The following CDH2 variants were observed in gnomAD, a reference collection of about 807,000 sequenced individuals.
CDH2 encodes the protein cadherin-2.
In CDH2, 17 loss-of-function variants were observed where a neutral mutation model predicts 92.0. That is an observed-to-expected ratio of 0.18 (90% CI 0.13 to 0.28). The LOEUF (loss-of-function observed/expected upper bound fraction) is 0.28. Among genes scored for constraint, CDH2 ranks in the 10% least tolerant of loss-of-function variants. The pLI, the probability that CDH2 is intolerant of heterozygous loss-of-function variation, is 1.00. For missense variants in CDH2, 862 were observed against 1,133.1 expected, an observed-to-expected ratio of 0.76 and a Z score of 3.44; for synonymous variants, 419 against 415.9, an observed-to-expected ratio of 1.01 and a Z score of -0.09.
intron 2 of CDH2, among the ~76,000 whole-genome samples, chr18:28,084,357 T>C (rs916235492): frequency 1.3e-5 from 2 of 152,130 alleles, no homozygotes; most frequent in Admixed American, 1.3e-4. Context: ...TATGAGAATA[T>C]ACAACAGTAC....
chr18:27,973,732 G>GT (rs529624901), intron 14 of CDH2, among the ~76,000 whole-genome samples: 4 of 152,134 alleles, frequency 2.6e-5, no homozygotes, highest in Non-Finnish European at 5.9e-5. Context: ...CACACTGAAG[G>GT]TTATTTCCCA....
At chr18:28,148,720 T>C (rs894606214) in intron 1 of CDH2, among the ~76,000 whole-genome samples, 2 of 152,056 alleles carry the variant, frequency 1.3e-5, no homozygotes, top group Non-Finnish European at 2.9e-5. Context: ...TCCACCCTAG[T>C]GAGAACCAGA....
intron 2 of CDH2, among the ~76,000 whole-genome samples, chr18:28,015,155 T>C (rs1360775787): frequency 6.6e-6 from 1 of 152,148 alleles, no homozygotes; most frequent in African/African-American, 2.4e-5. Flanking sequence ...CTGCTGTCAT[T>C]AGAATAAATT....
chr18:28,007,977 A>C (rs1427621123), intron 5 of CDH2, among the ~76,000 whole-genome samples: 1 of 152,126 alleles, frequency 6.6e-6, no homozygotes, highest in African/African-American at 2.4e-5. Flanking sequence ...CAAGTGAGCC[A>C]CCAGCCTTGG....
At chr18:28,070,177 A>C (rs2014588978) in intron 2 of CDH2, among the ~76,000 whole-genome samples, 1 of 152,168 alleles carries the variant, frequency 6.6e-6, no homozygotes, top group South Asian at 2.1e-4. Flanking sequence ...TAGTTATACC[A>C]CCCTGTCTAC....
chr18:27,987,493 G>A (rs1031542349), intron 11 of CDH2, among the ~76,000 whole-genome samples: 2 of 152,084 alleles, frequency 1.3e-5, no homozygotes, highest in African/African-American at 4.8e-5. Context: ...TCTTATTTTA[G>A]TAATGCAAAA....
chr18:28,149,241 G>A (rs1426600685), intron 1 of CDH2, among the ~76,000 whole-genome samples: 1 of 152,154 alleles, frequency 6.6e-6, no homozygotes, highest in African/African-American at 2.4e-5. Context: ...AATGTCCACT[G>A]AAACATGACT....
At chr18:28,160,327 G>T (rs569834977) in intron 1 of CDH2, among the ~76,000 whole-genome samples, 1 of 152,238 alleles carries the variant, frequency 6.6e-6, no homozygotes, top group Non-Finnish European at 1.5e-5. Flanking sequence ...ATGGTCTAAG[G>T]TAGCTCAGGA....
intron 2 of CDH2, among the ~76,000 whole-genome samples, chr18:28,067,028 T>C (rs977571420): frequency 2.6e-5 from 4 of 152,124 alleles, no homozygotes; most frequent in Non-Finnish European, 5.9e-5. Context: ...ACTCTATAAA[T>C]GTACTAACAA....
At position 28,014,136 on chromosome 18, in the gene CDH2, C is replaced by T. The variant is rs521058; in HGVS notation, c.173-227G>A. On this transcript the variant is annotated intron_variant, in intron 2 of 15. Transcript: ENST00000269141. Reference sequence around the variant, plus strand: ...TAGCATTTCCTTCTTCCAAAGCTTTCCCCTTCTTTTCATACTTCCTGGACA... The same window carrying T: ...TAGCATTTCCTTCTTCCAAAGCTTTTCCCTTCTTTTCATACTTCCTGGACA... Among the ~76,000 whole-genome samples the T allele has an allele frequency of 4.9e-3, 751 of 152,106 alleles. 10 individuals carry two copies. The highest frequency in any genetic ancestry group is 0.017 in the African/African-American group (722 of 41,524).
At chr18:28,164,137 A>G (rs954872398) in intron 1 of CDH2, among the ~76,000 whole-genome samples, 1 of 152,234 alleles carries the variant, frequency 6.6e-6, no homozygotes, top group Non-Finnish European at 1.5e-5. Context: ...CTTCATATAT[A>G]TATAAAATAC....
intron 1 of CDH2, among the ~76,000 whole-genome samples, chr18:28,164,923 A>G (rs1442811983): frequency 6.6e-6 from 1 of 152,228 alleles, no homozygotes. Flanking sequence ...GGATTGTTAA[A>G]ATATTTGCCC....
chr18:28,119,171 T>C (rs2015544890), intron 2 of CDH2, among the ~76,000 whole-genome samples: 1 of 152,106 alleles, frequency 6.6e-6, no homozygotes, highest in Non-Finnish European at 1.5e-5. Flanking sequence ...GAAGAATCCT[T>C]TGGGAAACTT....
intron 2 of CDH2, among the ~76,000 whole-genome samples, chr18:28,055,294 C>A (rs775827151): frequency 6.6e-6 from 1 of 152,140 alleles, no homozygotes; most frequent in Non-Finnish European, 1.5e-5. Context: ...CAGGTCCCTC[C>A]CACAACATGC....
At chr18:28,151,116 C>T (rs903988414) in intron 1 of CDH2, among the ~76,000 whole-genome samples, 6 of 152,206 alleles carry the variant, frequency 3.9e-5, no homozygotes, top group African/African-American at 1.4e-4. Context: ...CTGCAGGAGA[C>T]CAAGAGCTGA....
chr18:27,968,489 C>A (rs2011582825), intron 14 of CDH2, among the ~76,000 whole-genome samples: 1 of 152,142 alleles, frequency 6.6e-6, no homozygotes, highest in Non-Finnish European at 1.5e-5. Context: ...CAAATGAGTT[C>A]TTCGGTCTGT....
chr18:28,006,065 G>C lies in CDH2; in HGVS notation c.703-72C>G, dbSNP rs1599027454. 31 of 1,222,246 alleles carry C rather than the reference G, an allele frequency of 2.5e-5. No homozygotes were observed. The South Asian group carries it at 4.4e-4, about 17-fold the overall frequency. 75.7% of individuals were successfully genotyped at this position (1,222,246 alleles called of 1,614,324 possible). A position where few individuals can be genotyped will look rare whatever the true frequency, so the allele number is the denominator to read the frequency against. ...GAGAAGATAAATACATCATCATAAG[G>C]CTACAAAAATAGCAAGAATAAACTC... is the stretch of plus-strand genomic sequence containing the variant. On this transcript the variant is annotated intron_variant, in intron 5 of 15. Coordinates refer to ENST00000269141, the MANE Select transcript of CDH2 (RefSeq NM_001792.5).
At chr18:28,013,219 G>T (rs1454356440) in intron 3 of CDH2, among the ~76,000 whole-genome samples, 1 of 152,134 alleles carries the variant, frequency 6.6e-6, no homozygotes, top group Non-Finnish European at 1.5e-5. Flanking sequence ...AAAAAGTCAT[G>T]TTGGTAGTAT....
At chr18:28,172,164 A>C (rs953401579) in intron 1 of CDH2, among the ~76,000 whole-genome samples, 1 of 151,932 alleles carries the variant, frequency 6.6e-6, no homozygotes. Context: ...CAGATGAGGA[A>C]GTGCACTGAG....
Sources: gnomAD v4.1 joint callset for allele counts (sites outside exome capture counted in the v4.1 genomes callset) on GRCh38, gnomAD v4.1.1 for gene constraint, MANE v1.5 for transcripts, NCBI Gene and HGNC (gene_info 2026-07-23, HGNC 2026-07-21) for gene names.